ESRRG: variants seen among roughly 807,000 people sequenced by gnomAD.
ESRRG encodes estrogen related receptor gamma, also known as estrogen-related receptor gamma.
ESRRG carries 13 observed loss-of-function variants against 44.0 expected under a neutral mutation model. The ratio of observed to expected loss-of-function variants is 0.30; its 90% CI spans 0.19 to 0.47. ESRRG has a LOEUF of 0.47. Ranked by LOEUF, ESRRG falls within the 20% of genes least tolerant of loss-of-function variation. The pLI is 1.00. For synonymous variants in ESRRG, 215 were observed against 214.6 expected (o/e 1.00, Z -0.02); for missense variants, 395 against 580.6 (o/e 0.68, Z 3.29).
chr1:217,115,810 A>G (rs566130906), intron 1 of ESRRG, among the ~76,000 whole-genome samples: 2 of 151,976 alleles, frequency 1.3e-5, no homozygotes, highest in East Asian at 3.9e-4. Flanking sequence ...CGATCTACCT[A>G]CTCATATTGC....
chr1:217,088,059 AAAAG>A (rs1409378610), intron 1 of ESRRG, among the ~76,000 whole-genome samples: 3 of 152,070 alleles, frequency 2.0e-5, no homozygotes, highest in African/African-American at 7.2e-5. Context: ...GGAAAAAAAA[AAAAG>A]AGAGAGAACC....
At chr1:216,966,889 G>T (rs1201796427) in intron 1 of ESRRG, among the ~76,000 whole-genome samples, 1 of 152,084 alleles carries the variant, frequency 6.6e-6, no homozygotes, top group East Asian at 1.9e-4. Context: ...ATACAAAAGC[G>T]AAAAGGATGG....
chr1:216,613,560 AT>A (rs1334340717), intron 3 of ESRRG, among the ~76,000 whole-genome samples: 1 of 152,186 alleles, frequency 6.6e-6, no homozygotes, highest in Non-Finnish European at 1.5e-5. Context: ...AAGCCTCATA[AT>A]AACTACTGTG....
Position 216,720,846 on chromosome 1 carries a change from C to T in ESRRG, c.56+2398G>A, listed in dbSNP as rs11572664. Among the ~76,000 whole-genome samples, 918 of 152,256 alleles carry T rather than the reference C, an allele frequency of 6.0e-3. 14 individuals are homozygous for T. The highest frequency in any genetic ancestry group is 0.022 in the African/African-American group (896 of 41,526). On this transcript the variant is annotated intron_variant, in intron 1 of 6. Coordinates refer to ENST00000408911, the MANE Select transcript of ESRRG (RefSeq NM_001438.4). ...TCAGGCTGAAATTTACTAAACTGTTCCCTCCTCGCCTTGTCTGTTTTGGAG... is the reference window on the plus strand; with the variant it reads ...TCAGGCTGAAATTTACTAAACTGTTTCCTCCTCGCCTTGTCTGTTTTGGAG...
At chr1:216,762,765 C>G (rs961669548) in intron 2 of ESRRG, among the ~76,000 whole-genome samples, 5 of 151,386 alleles carry the variant, frequency 3.3e-5, no homozygotes, top group African/African-American at 1.2e-4. Context: ...AATAGATAGG[C>G]TAGGGAGCAT....
chr1:216,794,072 T>C (rs1325292085), intron 2 of ESRRG, among the ~76,000 whole-genome samples: 1 of 152,012 alleles, frequency 6.6e-6, no homozygotes, highest in Non-Finnish European at 1.5e-5. Flanking sequence ...GCTCCTACCA[T>C]TAAGAGTTCA....
At chr1:216,563,768 C>A (rs2059196390) in intron 5 of ESRRG, among the ~76,000 whole-genome samples, 1 of 152,108 alleles carries the variant, frequency 6.6e-6, no homozygotes, top group South Asian at 2.1e-4. Context: ...TAAGCCAAAG[C>A]AAAGCTTGTG....
chr1:216,978,062 A>T (rs1323248743), intron 1 of ESRRG, among the ~76,000 whole-genome samples: 1 of 152,082 alleles, frequency 6.6e-6, no homozygotes, highest in Non-Finnish European at 1.5e-5. Flanking sequence ...TTCTTTATAG[A>T]TTATCTAGTC....
intron 1 of ESRRG, among the ~76,000 whole-genome samples, chr1:217,051,284 T>C (rs533147732): frequency 2.0e-5 from 3 of 151,432 alleles, no homozygotes; most frequent in East Asian, 3.9e-4. Flanking sequence ...TTAGGTATTA[T>C]CCTGAAGAAA....
At chr1:216,954,804 G>A (rs1009902512) in intron 1 of ESRRG, among the ~76,000 whole-genome samples, 1 of 152,126 alleles carries the variant, frequency 6.6e-6, no homozygotes, top group African/African-American at 2.4e-5. Context: ...TCTCAGTAGT[G>A]ATCCTGCCTG....
intron 2 of ESRRG, among the ~76,000 whole-genome samples, chr1:216,768,706 G>A (rs887331425): frequency 6.6e-6 from 1 of 152,094 alleles, no homozygotes; most frequent in Non-Finnish European, 1.5e-5. Context: ...GCTCAAGCTG[G>A]TCTCAAACTG....
intron 1 of ESRRG, among the ~76,000 whole-genome samples, chr1:216,960,329 C>A (rs553583528): frequency 6.6e-6 from 1 of 152,252 alleles, no homozygotes; most frequent in Admixed American, 6.5e-5. Context: ...GCCAAACTAT[C>A]AAAGCTACCT....
intron 1 of ESRRG, among the ~76,000 whole-genome samples, chr1:217,067,948 C>T (rs994225739): frequency 2.6e-5 from 4 of 151,654 alleles, no homozygotes; most frequent in Non-Finnish European, 4.4e-5. Context: ...TGCACCATCT[C>T]CACACACACT....
chr1:216,980,963 T>C (rs2073867316), intron 1 of ESRRG, among the ~76,000 whole-genome samples: 1 of 152,150 alleles, frequency 6.6e-6, no homozygotes, highest in Non-Finnish European at 1.5e-5. Flanking sequence ...GAAACTACTA[T>C]TTATCCATAA....
intron 2 of ESRRG, among the ~76,000 whole-genome samples, chr1:216,897,249 T>A (rs913936138): frequency 6.6e-6 from 1 of 152,180 alleles, no homozygotes; most frequent in Non-Finnish European, 1.5e-5. Flanking sequence ...CTCTTGGGGT[T>A]GTGGGGAATT....
chr1:216,651,961 A>G (rs772256519), intron 2 of ESRRG, among the ~76,000 whole-genome samples: 26 of 152,120 alleles, frequency 1.7e-4, no homozygotes, highest in Non-Finnish European at 3.1e-4. Context: ...GGCTGCCTAC[A>G]GCTTTGTAAA....
intron 1 of ESRRG, chr1:216,707,604 G>A: frequency 1.0e-6 from 1 of 981,984 alleles, no homozygotes; most frequent in Non-Finnish European, 1.4e-6. Flanking sequence ...TTTTTACATT[G>A]GAGACTTAGG....
intron 1 of ESRRG, among the ~76,000 whole-genome samples, chr1:216,966,244 C>T (rs1318388512): frequency 2.0e-5 from 3 of 152,164 alleles, no homozygotes; most frequent in Admixed American, 6.5e-5. Flanking sequence ...GAAATCTCAT[C>T]TTAAGGGAAG....
In ESRRG at chr1:216,735,967, T is replaced by G. The variant is rs141450367; in HGVS notation, c.-13-58476A>C. On this transcript the variant is annotated intron_variant, in intron 2 of 7. Transcript: ENST00000359162. ...CACTCCAGCCTAGGCGACAGAGCAA[T>G]ACTCCCCATCTCAAAAAAAAATATA... is the stretch of plus-strand genomic sequence containing the variant. Among the ~76,000 whole-genome samples the G allele has an allele frequency of 6.9e-3, 682 of 99,042 alleles. 14 individuals carry two copies. The highest frequency in any genetic ancestry group is 0.024 in the African/African-American group (661 of 27,750). The allele number at this position is 99,042 out of a possible 152,430, so 65.0% of individuals were successfully genotyped here.
Sources: gnomAD v4.1 joint callset for allele counts (sites outside exome capture counted in the v4.1 genomes callset) on GRCh38, gnomAD v4.1.1 for gene constraint, MANE v1.5 for transcripts, NCBI Gene and HGNC (gene_info 2026-07-23, HGNC 2026-07-21) for gene names.